Variants in USH2A observed in about 807,000 individuals in gnomAD.
The protein encoded by USH2A is usherin.
In USH2A, 443 loss-of-function variants were observed where a neutral mutation model predicts 538.9. The ratio of observed to expected loss-of-function variants is 0.82; its 90% CI spans 0.76 to 0.89. The LOEUF (loss-of-function observed/expected upper bound fraction) is 0.89, where lower values mean the gene tolerates loss of function less well. USH2A is among the 40% of genes least tolerant of loss of function. The pLI, the probability that USH2A is intolerant of heterozygous loss-of-function variation, is 0.00. For synonymous variants in USH2A, 2,413 were observed against 2,273.5 expected (o/e 1.06, Z -1.75); for missense variants, 6,633 against 6,324.8 (o/e 1.05, Z -1.65).
intron 20 of USH2A, among the ~76,000 whole-genome samples, chr1:216,183,837 T>TAG (rs1337544015): frequency 6.6e-6 from 1 of 152,054 alleles, no homozygotes; most frequent in Non-Finnish European, 1.5e-5. Context: ...GTGCGGTTCT[T>TAG]TCCTAAGAAC....
At chr1:216,349,355 C>G (rs1332850912) in intron 4 of USH2A, among the ~76,000 whole-genome samples, 1 of 151,978 alleles carries the variant, frequency 6.6e-6, no homozygotes, top group Non-Finnish European at 1.5e-5. Flanking sequence ...GGCTTTTGAA[C>G]CAGAGCAACT....
At chr1:215,921,642 T>C (rs1447784333) in intron 38 of USH2A, among the ~76,000 whole-genome samples, 1 of 152,080 alleles carries the variant, frequency 6.6e-6, no homozygotes, top group Non-Finnish European at 1.5e-5. Context: ...TAGAGTATAG[T>C]TCTACAGTCA....
rs376453753 is a variant in USH2A at position 215,658,038 on chromosome 1, A to G, written c.14134-7237T>C. On this transcript the variant is annotated intron_variant, in intron 64 of 71. Transcript: ENST00000307340. ...AAGCTCCGCCTCCCAGGTTCACACT[A>G]TTCTCCTGCCTCAGCCTCCCGAGTA... Among the ~76,000 whole-genome samples the G allele has an allele frequency of 4.7e-5, 7 of 148,086 alleles. No individual in the cohort carries two copies. In the South Asian group the frequency reaches 1.5e-3, roughly 32 times the overall value.
At chr1:216,073,379 T>C in intron 27 of USH2A, 79 bp from the exon 28 acceptor site, 1 of 1,478,408 alleles carries the variant, frequency 6.8e-7, no homozygotes, top group Non-Finnish European at 9.3e-7. Context: ...TCTGCAGCAC[T>C]ACATTTTGAG....
intron 21 of USH2A, among the ~76,000 whole-genome samples, chr1:216,103,755 C>A (rs1395847507): frequency 5.3e-5 from 8 of 152,138 alleles, no homozygotes; most frequent in Admixed American, 5.2e-4. Context: ...TCTAAACAAT[C>A]ACTTGACTAA....
At chr1:215,912,961 C>T (rs1290734037) in intron 38 of USH2A, among the ~76,000 whole-genome samples, 2 of 152,100 alleles carry the variant, frequency 1.3e-5, no homozygotes, top group Non-Finnish European at 2.9e-5. Flanking sequence ...TGCATTCCTC[C>T]TACAGTTCTT....
chr1:215,680,292 C>T lies in USH2A; in HGVS notation c.12151G>A (p.Glu4051Lys). 1 of 1,614,142 alleles carries T rather than the reference C, an allele frequency of 6.2e-7. No individual in the cohort carries two copies. Among genetic ancestry groups the T allele is most frequent in the Non-Finnish European group, 8.5e-7 (1 of 1,180,010 alleles). ...ATCAGAGTCCAAGGGCTTAAAATTT[C>T]TCCTGCATGGTTTGCAGCCACAACA... Reference protein sequence around the residue: ...IGVVAANHAGEILSPWTLIQT... With the variant: ...IGVVAANHAGKILSPWTLIQT... Residue 4051 changes from glutamate to lysine, a missense_variant, in exon 62 of 72, where the codon GAA becomes AAA. By Grantham distance (56) the Glu-to-Lys change is moderately conservative (BLOSUM62 1). Coordinates refer to ENST00000307340, the MANE Select transcript of USH2A (RefSeq NM_206933.4).
intron 44 of USH2A, among the ~76,000 whole-genome samples, chr1:215,866,060 T>C (rs1470075558): frequency 6.6e-6 from 1 of 152,092 alleles, no homozygotes; most frequent in Non-Finnish European, 1.5e-5. Context: ...GTGAGCAGAG[T>C]GTTCTTTCAT....
At chr1:216,396,844 C>T (rs760343696) in intron 3 of USH2A, among the ~76,000 whole-genome samples, 5 of 152,160 alleles carry the variant, frequency 3.3e-5, no homozygotes, top group Non-Finnish European at 7.3e-5. Flanking sequence ...TGCCAAAATT[C>T]GTTGAAACTA....
intron 64 of USH2A, among the ~76,000 whole-genome samples, chr1:215,659,568 T>TGTAA (rs1657378633): frequency 6.6e-6 from 1 of 152,224 alleles, no homozygotes; most frequent in Admixed American, 6.5e-5. Context: ...TACTTTTTTT[T>TGTAA]GTAAGTGACA....
chr1:215,914,401 C>T (rs190793381), intron 38 of USH2A, among the ~76,000 whole-genome samples: 44 of 151,920 alleles, frequency 2.9e-4, no homozygotes, highest in Admixed American at 1.4e-3. Flanking sequence ...TTTTGTAAAA[C>T]GAGAGAATCA....
chr1:215,969,157 C>T (rs1667429926), intron 36 of USH2A, among the ~76,000 whole-genome samples: 1 of 152,154 alleles, frequency 6.6e-6, no homozygotes, highest in Non-Finnish European at 1.5e-5. Context: ...CATTGCTCTT[C>T]AATCCCAGTG....
rs1290247716 is a variant in USH2A, at chr1:215,838,052, T to G, written c.9310A>C (p.Thr3104Pro). The G allele has an allele frequency of 1.2e-6, 2 of 1,614,114 alleles. No individual in the cohort carries two copies. Among genetic ancestry groups the G allele is most frequent in the Admixed American group, 3.3e-5 (2 of 60,026 alleles). Residue 3104 changes from threonine (T) to proline (P), a missense_variant, in exon 47 of 72, where the codon ACC (threonine) becomes CCC (proline). Coordinates refer to ENST00000307340, the MANE Select transcript of USH2A (RefSeq NM_206933.4). ...ACVKSNGTQI[T>P]TVEDTPSDIP... ...TCACTTGGAGTGTCTTCCACAGTGG[T>G]AATTTGGGTTCCATTGCTTTTCACG...
intron 58 of USH2A, among the ~76,000 whole-genome samples, chr1:215,743,589 G>A (rs1461142928): frequency 6.6e-6 from 1 of 151,362 alleles, no homozygotes; most frequent in Non-Finnish European, 1.5e-5. Context: ...AGCACTTTGG[G>A]AGGTTGAGGT....
At chr1:216,398,480 T>TTTAGCAAAAAGTACCTGTCATAC (rs2039253749) in intron 3 of USH2A, among the ~76,000 whole-genome samples, 3 of 152,076 alleles carry the variant, frequency 2.0e-5, no homozygotes, top group Non-Finnish European at 2.9e-5. Flanking sequence ...AGAAAACCTT[T>TTTAGCAAAAAGTACCTGTCATAC]TTAGCAAAAA....
chr1:216,130,896 A>T (rs1333959451), intron 21 of USH2A, among the ~76,000 whole-genome samples: 1 of 151,870 alleles, frequency 6.6e-6, no homozygotes, highest in Non-Finnish European at 1.5e-5. Flanking sequence ...TGTTTTCCAT[A>T]GTGGTTGTAC....
intron 21 of USH2A, among the ~76,000 whole-genome samples, chr1:216,106,619 T>C (rs1043097342): frequency 5.9e-5 from 9 of 151,534 alleles, no homozygotes; most frequent in Non-Finnish European, 3.0e-5. Context: ...CCATAATTCT[T>C]GCAAATCAAT....
chr1:216,048,605 G>C lies in USH2A; in HGVS notation c.6092C>G (p.Thr2031Ser). ...GCCAGCCAAAGTGCAAGCAGTTAGG[G>C]TTACTGCATAGTTTTTGAAGGGTAG... ...GLLPFKNYAV[T>S]LTACTLAGCT... Residue 2031 changes from threonine (T) to serine (S), a missense_variant, in exon 31 of 72, where the codon ACC becomes AGC. Physicochemically the swap from Thr to Ser is moderately conservative, Grantham distance 58 (BLOSUM62 1). Coordinates refer to ENST00000307340, the MANE Select transcript of USH2A (RefSeq NM_206933.4). 1 of 1,614,054 alleles carries C rather than the reference G, an allele frequency of 6.2e-7. No homozygotes were observed. Among genetic ancestry groups the C allele is most frequent in the Non-Finnish European group, 8.5e-7 (1 of 1,179,986 alleles).
intron 54 of USH2A, among the ~76,000 whole-genome samples, chr1:215,781,628 C>A (rs1558095118): frequency 6.6e-6 from 1 of 152,072 alleles, no homozygotes; most frequent in Non-Finnish European, 1.5e-5. Flanking sequence ...GTTTTCCGTG[C>A]CAGGCTTTTT....
Sources: gnomAD v4.1 joint callset for allele counts (sites outside exome capture counted in the v4.1 genomes callset) on GRCh38, gnomAD v4.1.1 for gene constraint, MANE v1.5 for transcripts, NCBI Gene and HGNC (gene_info 2026-07-23, HGNC 2026-07-21) for gene names.